Variants in APC observed in about 807,000 individuals in gnomAD.
The protein encoded by APC is APC regulator of Wnt signaling pathway.
APC carries 72 observed loss-of-function variants against 247.0 expected under a neutral mutation model. That is an observed-to-expected ratio of 0.29 (90% CI 0.24 to 0.35). The LOEUF (loss-of-function observed/expected upper bound fraction) is 0.35. APC is among the 10% of genes least tolerant of loss of function. The pLI is 1.00. For missense variants in APC, 3,400 were observed against 3,360.7 expected, an observed-to-expected ratio of 1.01 and a Z score of -0.29; for synonymous variants, 1,254 against 1,162.5, an observed-to-expected ratio of 1.08 and a Z score of -1.60.
chr5:112,763,956 G>A (rs541137102), intron 2 of APC, among the ~76,000 whole-genome samples: 1 of 152,162 alleles, frequency 6.6e-6, no homozygotes, highest in South Asian at 2.1e-4. Context: ...AGACCTGATC[G>A]GCCGGGCGCG....
intron 11 of APC, among the ~76,000 whole-genome samples, chr5:112,825,894 G>C (rs1265229026): frequency 6.6e-6 from 1 of 152,116 alleles, no homozygotes; most frequent in African/African-American, 2.4e-5. Flanking sequence ...ACTGATTTTT[G>C]TTCACTGTCT....
intron 1 of APC, among the ~76,000 whole-genome samples, chr5:112,747,142 G>A (rs1309951103): frequency 6.6e-6 from 1 of 152,108 alleles, no homozygotes; most frequent in Non-Finnish European, 1.5e-5. Flanking sequence ...AGCAGTATTC[G>A]ATGTGGGGTG....
Position 112,827,184 on chromosome 5 carries a change from T to C in APC, c.1485T>C (p.Ile495=), listed in dbSNP as rs1472240007. ...MYGLTNDHYS[I]TLRRYAGMAL... is the part of the protein sequence containing the mutation. ...GGCTTACTAATGACCACTACAGTAT[T>C]ACACTAAGACGATATGCTGGAATGG... is the stretch of plus-strand genomic sequence containing the variant. Residue 495 remains isoleucine, a synonymous_variant, in exon 12 of 16, where the codon ATT becomes ATC. Transcript: ENST00000257430. The C allele has an allele frequency of 6.2e-7, 1 of 1,613,950 alleles. No homozygotes were observed. Among genetic ancestry groups the C allele is most frequent in the Admixed American group, 1.7e-5 (1 of 60,008 alleles).
intron 14 of APC, among the ~76,000 whole-genome samples, chr5:112,831,611 T>C (rs13167522): frequency 0.06 from 9,156 of 152,254 alleles, 392 homozygotes; most frequent in Non-Finnish European, 0.09. Flanking sequence ...CAGAACTACC[T>C]TCTAGCTCCC....
intron 2 of APC, among the ~76,000 whole-genome samples, chr5:112,755,989 C>T (rs1754937171): frequency 6.6e-6 from 1 of 151,784 alleles, no homozygotes. Context: ...AAAAATCTTC[C>T]TGCTTTGTGT....
chr5:112,750,904 A>C (rs910279020), intron 1 of APC, among the ~76,000 whole-genome samples: 2 of 152,164 alleles, frequency 1.3e-5, no homozygotes. Flanking sequence ...TGTATGAGGA[A>C]TAGATGCAGT....
chr5:112,814,402 G>A (rs773222057), intron 8 of APC, among the ~76,000 whole-genome samples: 38 of 152,194 alleles, frequency 2.5e-4, no homozygotes, highest in Admixed American at 9.2e-4. Flanking sequence ...CTGGGTTTCC[G>A]ATATCCATTA....
chr5:112,840,580 C>T lies in APC; in HGVS notation c.4986C>T (p.Ile1662=), dbSNP rs876658910. ...STATSLSDLT[I]ESPPNELAAG... ...CTACATCTCTAAGTGATCTAACAAT[C>T]GAATCCCCTCCAAATGAGTTAGCTG... is the stretch of plus-strand genomic sequence containing the variant. The change falls in exon 16 of 16, where the codon ATC becomes ATT. Residue 1662 remains isoleucine (I), a synonymous_variant. Transcript: ENST00000257430. The surrounding 1 kb of genome is among the most constrained non-coding windows in gnomAD (Gnocchi z 4.1). 3 of 1,614,112 alleles carry T rather than the reference C, an allele frequency of 1.9e-6. No individual in the cohort carries two copies. The highest frequency in any genetic ancestry group is 2.2e-5 in the East Asian group (1 of 44,884).
chr5:112,741,974 A>C (rs1049045746), intron 1 of APC, among the ~76,000 whole-genome samples: 3 of 152,206 alleles, frequency 2.0e-5, no homozygotes, highest in African/African-American at 7.2e-5. Flanking sequence ...TTTTAGGTCT[A>C]AATGATGTTC....
chr5:112,723,919 TG>T (rs908095416), intron 1 of APC, among the ~76,000 whole-genome samples: 15 of 152,138 alleles, frequency 9.9e-5, no homozygotes, highest in African/African-American at 3.6e-4. Flanking sequence ...GCTCTAATTT[TG>T]GGGGGGTCCA....
intron 1 of APC, among the ~76,000 whole-genome samples, chr5:112,721,680 C>G (rs1232730593): frequency 1.3e-5 from 2 of 152,068 alleles, no homozygotes; most frequent in Admixed American, 6.5e-5. Flanking sequence ...AGTTGGGTAT[C>G]ATGTCAGAAG....
chr5:112,755,007 T>C lies in APC; in HGVS notation c.117T>C (p.Thr39=), dbSNP rs751827696. ...DNSNHLTKLE[T]EASNMKEVLK... ...CCAATCATCTTACAAAACTGGAAACTGAGGCATCTAATATGAAGGTATCAA... is the reference window on the plus strand; with the variant it reads ...CCAATCATCTTACAAAACTGGAAACCGAGGCATCTAATATGAAGGTATCAA... Residue 39 remains threonine (T), a synonymous_variant, in exon 2 of 16, where the codon ACT becomes ACC. Coordinates refer to ENST00000257430, the MANE Select transcript of APC (RefSeq NM_000038.6). 1.2e-6 allele frequency: 2 copies of C among 1,613,652 alleles called. No homozygotes were observed. Among genetic ancestry groups the C allele is most frequent in the Non-Finnish European group, 8.5e-7 (1 of 1,179,744 alleles).
rs1750576080 is a variant in APC at position 112,707,554 on chromosome 5, G to C, written c.-164G>C. On this transcript the variant is annotated 5_prime_UTR_variant, in exon 1 of 14. Transcript: ENST00000507379. Reference sequence around the variant, plus strand: ...GCGGAGGGCAAGTAGCAAGGGGGCGGGGTGTGGCCGCCGGAAGCCTAGCCG... The same window carrying C: ...GCGGAGGGCAAGTAGCAAGGGGGCGCGGTGTGGCCGCCGGAAGCCTAGCCG... 4 of 593,788 alleles carry C rather than the reference G, an allele frequency of 6.7e-6. No homozygotes were observed. The highest frequency in any genetic ancestry group is 8.3e-6 in the Non-Finnish European group (3 of 363,030). The allele number at this position is 593,788 out of a possible 1,614,324, so 36.8% of individuals were successfully genotyped here.
chr5:112,780,964 C>T lies in APC; in HGVS notation c.645+61C>T, dbSNP rs56328836. 12,969 of 1,095,190 alleles carry T rather than the reference C, an allele frequency of 0.012. 143 individuals are homozygous for T. Among genetic ancestry groups the T allele is most frequent in the Non-Finnish European group, 0.012 (8,538 of 725,852 alleles). The allele number at this position is 1,095,190 out of a possible 1,614,324, so 67.8% of individuals were successfully genotyped here. On this transcript the variant is annotated intron_variant, in intron 6 of 15. Transcript: ENST00000257430. ...GAGCTATTAGGAATAAAATGAATTA[C>T]AGCTCTGTTAATATTGATTAAATTT...
chr5:112,737,813 G>A, upstream of APC: 1 of 984,118 alleles, frequency 1.0e-6, no homozygotes, highest in Non-Finnish European at 1.2e-6. Flanking sequence ...CCCGTCGGGA[G>A]CCCGCCGATT....
chr5:112,709,621 A>C (rs1750732800), intron 1 of APC, among the ~76,000 whole-genome samples: 1 of 152,176 alleles, frequency 6.6e-6, no homozygotes, highest in Non-Finnish European at 1.5e-5. Flanking sequence ...TCACTTTGGC[A>C]GGGTGTGGTG....
intron 1 of APC, among the ~76,000 whole-genome samples, chr5:112,742,254 A>G (rs1274673026): frequency 6.6e-6 from 1 of 152,234 alleles, no homozygotes; most frequent in Non-Finnish European, 1.5e-5. Flanking sequence ...AGTATTCTAT[A>G]GTACCTATCA....
intron 7 of APC, among the ~76,000 whole-genome samples, chr5:112,798,261 C>G (rs1760419497): frequency 6.6e-6 from 1 of 152,168 alleles, no homozygotes. Flanking sequence ...AAGTAAGTTA[C>G]TGATGCAGAA....
chr5:112,797,594 G>A (rs747041608), intron 7 of APC, among the ~76,000 whole-genome samples: 4 of 152,206 alleles, frequency 2.6e-5, no homozygotes, highest in African/African-American at 4.8e-5. Flanking sequence ...TGACTTTCTT[G>A]TGTGTTCTTC....
Sources: allele counts gnomAD v4.1 joint callset (sites outside exome capture counted in the v4.1 genomes callset), GRCh38; gene constraint gnomAD v4.1.1; non-coding constraint Gnocchi (gnomAD v3.1); transcripts MANE v1.5; gene names NCBI Gene and HGNC (gene_info 2026-07-23, HGNC 2026-07-21).